Variants in FGF8 observed in about 807,000 individuals in gnomAD.
The protein encoded by FGF8 is fibroblast growth factor 8.
Under a neutral mutation model 29.7 loss-of-function variants are expected in FGF8, and 12 were observed. That is an observed-to-expected ratio of 0.40 (90% confidence interval 0.26 to 0.65). The LOEUF is 0.65. FGF8 is among the 30% of genes least tolerant of loss of function. FGF8 has a pLI of 0.37. For synonymous variants in FGF8, 157 were observed against 144.4 expected, an observed-to-expected ratio of 1.09 and a Z score of -0.63; for missense variants, 271 against 345.1, an observed-to-expected ratio of 0.79 and a Z score of 1.70.
chr10:101,776,431 G>T (rs1324439514), upstream of FGF8, among the ~76,000 whole-genome samples: 1 of 151,088 alleles, frequency 6.6e-6, no homozygotes, highest in African/African-American at 2.4e-5. Context: ...GTCCCCTCGC[G>T]CGCTCCCCGG....
chr10:101,773,430 G>C (rs1338579258), intron 4 of FGF8, among the ~76,000 whole-genome samples: 1 of 152,102 alleles, frequency 6.6e-6, no homozygotes, highest in African/African-American at 2.4e-5. Context: ...AGGGGAGCTC[G>C]GCCACCAGGC....
rs2065037765 is a variant in FGF8, at chr10:101,772,384, G to A, written c.338-815C>T. On this transcript the variant is annotated intron_variant, in intron 4 of 5. Coordinates refer to ENST00000320185, the MANE Select transcript of FGF8 (RefSeq NM_033163.5). This position sits in a 1 kb window ranked among gnomAD's most constrained non-coding sequence, Gnocchi z 4.4. Reference sequence around the variant, plus strand: ...ATAGCTTCTGTGGGTGAGGAGGAGGGAGAATCCTGCCTGCTGGCCTCTTAG... The same window carrying A: ...ATAGCTTCTGTGGGTGAGGAGGAGGAAGAATCCTGCCTGCTGGCCTCTTAG... 6.6e-6 allele frequency among the ~76,000 whole-genome samples: 1 copy of A among 152,212 alleles called. No individual in the cohort carries two copies. The highest frequency in any genetic ancestry group is 1.5e-5 in the Non-Finnish European group (1 of 68,036).
chr10:101,775,605 C>T lies in FGF8; in HGVS notation c.69+135G>A. 2.0e-6 allele frequency: 2 copies of T among 994,832 alleles called. No homozygotes were observed. The highest frequency in any genetic ancestry group is 2.6e-5 in the East Asian group (1 of 37,834). 61.6% of individuals were successfully genotyped at this position (994,832 alleles called of 1,614,324 possible). On this transcript the variant is annotated intron_variant, in intron 2 of 5. Coordinates refer to ENST00000320185, the MANE Select transcript of FGF8 (RefSeq NM_033163.5). This position sits in a 1 kb window ranked among gnomAD's most constrained non-coding sequence, Gnocchi z 4.6. The stretch of plus-strand genomic sequence containing the variant: ...CCTCAGCTCCCTCCTCGGGGTGGCT[C>T]GGGGCTGGGTTTCTAAGGTGCCCTC...
At position 101,776,056 on chromosome 10, in the gene FGF8, T is replaced by G. The variant is rs1212557789; in HGVS notation, c.-156A>C. ...GCTCCGCGGGTCCCGTGGAACGTCGTGCTCGCCGCGCCGCACCGAATCGCT... is the reference window on the plus strand; with the variant it reads ...GCTCCGCGGGTCCCGTGGAACGTCGGGCTCGCCGCGCCGCACCGAATCGCT... On this transcript the variant is annotated 5_prime_UTR_variant, in exon 1 of 6. Coordinates refer to ENST00000320185, the MANE Select transcript of FGF8 (RefSeq NM_033163.5). 1 of 274,898 alleles carries G rather than the reference T, an allele frequency of 3.6e-6. No individual in the cohort carries two copies. The highest frequency in any genetic ancestry group is 2.4e-5 in the African/African-American group (1 of 41,894). The allele number at this position is 274,898 out of a possible 1,614,324, so 17.0% of individuals were successfully genotyped here.
rs3218236 is a variant in FGF8 at position 101,771,325 on chromosome 10, G to A, written c.444+138C>T. On this transcript the variant is annotated intron_variant, in intron 5 of 5. Coordinates refer to ENST00000320185, the MANE Select transcript of FGF8 (RefSeq NM_033163.5). This position sits in a 1 kb window ranked among gnomAD's most constrained non-coding sequence, Gnocchi z 5.3. ...TTCTCCCTCACTCCTGCACCCAATC[G>A]TGAGGTAACCCCAAGATGGCCCTGT... The A allele has an allele frequency of 3.0e-3, 2,135 of 704,240 alleles. 30 individuals are homozygous for A. The African/African-American group carries it at 0.033, about 11-fold the overall frequency. The allele number at this position is 704,240 out of a possible 1,614,324, so 43.6% of individuals were successfully genotyped here. A position where few individuals can be genotyped will look rare whatever the true frequency, so the allele number is the denominator to read the frequency against.
At chr10:101,779,495 C>A (rs1367035523), upstream of FGF8, among the ~76,000 whole-genome samples, 13 of 152,054 alleles carry the variant, frequency 8.5e-5, no homozygotes, top group East Asian at 7.8e-4. This position sits in a 1 kb window ranked among gnomAD's most constrained non-coding sequence, Gnocchi z 5.7. Context: ...ATAAACCTTG[C>A]CCAGCTGTGT....
At chr10:101,774,451 C>T (rs2065062454) in intron 4 of FGF8, among the ~76,000 whole-genome samples, 1 of 152,204 alleles carries the variant, frequency 6.6e-6, no homozygotes, top group Admixed American at 6.5e-5. Context: ...CCCTGAACCC[C>T]CTGCCTCCAC....
In FGF8 at chr10:101,775,715, C is replaced by T. The variant is rs1452812639; in HGVS notation, c.69+25G>A. The T allele has an allele frequency of 1.9e-6, 3 of 1,542,158 alleles. No homozygotes were observed. The highest frequency in any genetic ancestry group is 2.6e-6 in the Non-Finnish European group (3 of 1,144,982). Reference sequence around the variant, plus strand: ...GGGTCTCACACCGGCGCGCCCGGCCCCCGCCTCCGCGCACCCCTCCTCACC... The same window carrying T: ...GGGTCTCACACCGGCGCGCCCGGCCTCCGCCTCCGCGCACCCCTCCTCACC... On this transcript the variant is annotated intron_variant, in intron 2 of 5. Coordinates refer to ENST00000320185, the MANE Select transcript of FGF8 (RefSeq NM_033163.5). The surrounding 1 kb of genome is among the most constrained non-coding windows in gnomAD (Gnocchi z 4.6).
chr10:101,779,263 A>C (rs1447162586), upstream of FGF8, among the ~76,000 whole-genome samples: 1 of 152,206 alleles, frequency 6.6e-6, no homozygotes, highest in East Asian at 1.9e-4. This position sits in a 1 kb window ranked among gnomAD's most constrained non-coding sequence, Gnocchi z 5.7. Context: ...CGACCGTTCA[A>C]ATGCAAATCG....
Position 101,771,472 on chromosome 10 carries a change from C to T in FGF8, c.435G>A (p.Leu145=). The change falls in exon 5 of 6, where the codon CTG becomes CTA. Residue 145 remains leucine, a synonymous_variant. Transcript: ENST00000320185. This position sits in a 1 kb window ranked among gnomAD's most constrained non-coding sequence, Gnocchi z 5.3. ...LYICMNKKGK[L]IAKSNGKGKD... ...CCTGCTGGGGCCTCACCTTGGCGAT[C>T]AGCTTCCCCTTCTTGTTCATGCAGA... is the stretch of plus-strand genomic sequence containing the variant. 2 of 1,614,050 alleles carry T rather than the reference C, an allele frequency of 1.2e-6. No individual in the cohort carries two copies. Among genetic ancestry groups the T allele is most frequent in the Non-Finnish European group, 1.7e-6 (2 of 1,179,882 alleles).
At position 101,770,483 on chromosome 10, in the gene FGF8, G is replaced by A. The variant is rs1480224305; in HGVS notation, c.581C>T (p.Thr194Met). ...RKGRPRKGSKTRQHQREVHFM... is the reference protein window; with the variant it reads ...RKGRPRKGSKMRQHQREVHFM... ...GTGGACCTCACGCTGGTGCTGCCGC[G>A]TCTTGGAGCCCTTGCGGGGCCGGCC... Residue 194 changes from threonine to methionine, a missense_variant, in exon 6 of 6, where the codon ACG becomes ATG. Physicochemically the swap from Thr to Met is moderately conservative, Grantham distance 81 (BLOSUM62 -1). Around this residue, in one of 3 missense-constraint regions of FGF8, gnomAD observed 41 missense variants for 80.0 expected, o/e 0.51. Coordinates refer to ENST00000320185, the MANE Select transcript of FGF8 (RefSeq NM_033163.5). 13 of 1,613,490 alleles carry A rather than the reference G, an allele frequency of 8.1e-6. No homozygotes were observed. The highest frequency in any genetic ancestry group is 6.7e-5 in the East Asian group (3 of 44,884).
upstream of FGF8, chr10:101,780,229 G>T (rs2065131700): frequency 6.6e-6 from 1 of 152,280 alleles, no homozygotes; most frequent in Admixed American, 6.5e-5. Context: ...ACACAGACGG[G>T]CGTCATCTCC....
chr10:101,777,035 T>G (rs1589815446), upstream of FGF8, among the ~76,000 whole-genome samples: 2 of 152,122 alleles, frequency 1.3e-5, no homozygotes, highest in African/African-American at 4.8e-5. Context: ...GGGAAGGGAC[T>G]TCCATCCAGG....
At chr10:101,770,976 C>T (rs1589810195) in intron 5 of FGF8, among the ~76,000 whole-genome samples, 1 of 152,262 alleles carries the variant, frequency 6.6e-6, no homozygotes, top group South Asian at 2.1e-4. Context: ...GTTCCCTGGC[C>T]CCAGGGCAGC....
At chr10:101,779,581 G>A (rs1310517310), upstream of FGF8, among the ~76,000 whole-genome samples, 2 of 152,184 alleles carry the variant, frequency 1.3e-5, no homozygotes, top group African/African-American at 2.4e-5. The surrounding 1 kb of genome is among the most constrained non-coding windows in gnomAD (Gnocchi z 5.7). Context: ...CTGCGGGCAG[G>A]AGCGTGCTCG....
chr10:101,776,447 G>A (rs922703299), upstream of FGF8, among the ~76,000 whole-genome samples: 3 of 151,548 alleles, frequency 2.0e-5, no homozygotes, highest in African/African-American at 7.3e-5. Context: ...CCCGGTCCCG[G>A]ACGCGCGGGG....
Position 101,770,430 on chromosome 10 carries a change from G to A in FGF8, c.634C>T (p.His212Tyr). Residue 212 changes from histidine (H) to tyrosine (Y), a missense_variant, in exon 6 of 6, where the codon CAC becomes TAC. Coordinates refer to ENST00000320185, the MANE Select transcript of FGF8 (RefSeq NM_033163.5). ...AAGCGCAGGCTCTGCTCGGTGGTGTGGTGGCCCCGGGGCAGCCGCTTCATG... is the reference window on the plus strand; with the variant it reads ...AAGCGCAGGCTCTGCTCGGTGGTGTAGTGGCCCCGGGGCAGCCGCTTCATG... ...HFMKRLPRGH[H>Y]TTEQSLRFEF... The A allele has an allele frequency of 6.2e-7, 1 of 1,609,206 alleles. No individual in the cohort carries two copies. Among genetic ancestry groups the A allele is most frequent in the Non-Finnish European group, 8.5e-7 (1 of 1,178,030 alleles).
upstream of FGF8, among the ~76,000 whole-genome samples, chr10:101,778,088 T>C (rs1342807854): frequency 6.6e-6 from 1 of 152,252 alleles, no homozygotes; most frequent in African/African-American, 2.4e-5. Context: ...CTGCTTCAAG[T>C]GGGCAAAGGT....
At chr10:101,777,715 C>T (rs551700828), upstream of FGF8, among the ~76,000 whole-genome samples, 18 of 152,342 alleles carry the variant, frequency 1.2e-4, no homozygotes, top group South Asian at 2.7e-3. Context: ...AATCACAGCT[C>T]GTGGCACAAG....
Sources: gnomAD v4.1 joint callset for allele counts (sites outside exome capture counted in the v4.1 genomes callset) on GRCh38, gnomAD v4.1.1 for gene constraint, gnomAD v4.1.1 regional missense constraint, Gnocchi (gnomAD v3.1) non-coding constraint, MANE v1.5 for transcripts, NCBI Gene and HGNC (gene_info 2026-07-23, HGNC 2026-07-21) for gene names.